ZDHHC11B: variants seen among roughly 807,000 people sequenced by gnomAD.
The protein encoded by ZDHHC11B is zDHHC palmitoyltransferase 11B (putative), also known as probable palmitoyltransferase ZDHHC11B.
Under a neutral mutation model 42.3 loss-of-function variants are expected in ZDHHC11B, and 17 were observed. The ratio of observed to expected loss-of-function variants is 0.40; its 90% CI spans 0.27 to 0.60. The LOEUF is 0.60. Ranked by LOEUF, ZDHHC11B falls within the 20% of genes least tolerant of loss-of-function variation. The pLI, the probability that ZDHHC11B is intolerant of heterozygous loss-of-function variation, is 0.41. For missense variants in ZDHHC11B, 262 were observed against 463.2 expected (o/e 0.57, Z 3.99); for synonymous variants, 123 against 193.5 (o/e 0.64, Z 3.02).
intron 1 of ZDHHC11B, among the ~76,000 whole-genome samples, chr5:775,709 C>G (rs1406892108): frequency 6.6e-6 from 1 of 151,862 alleles, no homozygotes; most frequent in Non-Finnish European, 1.5e-5. Context: ...AGACGCCGCC[C>G]AGGAGTCCAA....
At chr5:715,134 G>A (rs1741654617) in intron 13 of ZDHHC11B, among the ~76,000 whole-genome samples, 1 of 150,534 alleles carries the variant, frequency 6.6e-6, no homozygotes, top group African/African-American at 2.5e-5. Context: ...AATTACCCAG[G>A]CTCAAGTGTT....
chr5:742,024 T>A (rs4957093), intron 9 of ZDHHC11B, among the ~76,000 whole-genome samples: 109,164 of 129,838 alleles, frequency 0.84, 47,050 homozygotes, highest in East Asian at 0.96. Context: ...TTGTGGTTTT[T>A]ATTTGCAGCT....
chr5:737,793 G>A (rs1345623131), intron 10 of ZDHHC11B, among the ~76,000 whole-genome samples: 1 of 148,050 alleles, frequency 6.8e-6, no homozygotes, highest in Non-Finnish European at 1.5e-5. Context: ...GCACAGAAGG[G>A]ACATACCTCA....
chr5:757,904 A>C (rs1483521987), intron 4 of ZDHHC11B, among the ~76,000 whole-genome samples: 3 of 151,966 alleles, frequency 2.0e-5, no homozygotes, highest in African/African-American at 7.2e-5. Context: ...GACTGGTCAG[A>C]CACTTGCAGT....
chr5:745,547 G>A (rs1439147444), intron 8 of ZDHHC11B, among the ~76,000 whole-genome samples: 1 of 149,830 alleles, frequency 6.7e-6, no homozygotes, highest in African/African-American at 2.5e-5. Flanking sequence ...GCTGACTCAG[G>A]CCCCCCCGCC....
chr5:744,774 G>C lies in ZDHHC11B; in HGVS notation c.900+409C>G, dbSNP rs1486425731. Among the ~76,000 whole-genome samples, 3 of 149,092 alleles carry C rather than the reference G, an allele frequency of 2.0e-5. 1 individual carries two copies. The highest frequency in any genetic ancestry group is 4.4e-5 in the Non-Finnish European group (3 of 67,476). On this transcript the variant is annotated intron_variant, in intron 9 of 13. Coordinates refer to ENST00000508859, the MANE Select transcript of ZDHHC11B (RefSeq NM_001351303.2). ...CGATCCCAGCTACTTGGGAGGCTGA[G>C]GTAGGCAAACTGTTTGAACCCAGGA...
chr5:743,878 G>A lies in ZDHHC11B; in HGVS notation c.900+1305C>T, dbSNP rs368887541. Among the ~76,000 whole-genome samples, 59 of 149,800 alleles carry A rather than the reference G, an allele frequency of 3.9e-4. 4 individuals are homozygous for A. The highest frequency in any genetic ancestry group is 1.2e-3 in the African/African-American group (51 of 40,864). ...TTTTCCCTGCTGCGCTGGGCTGGCCGGAATGTGACTGCAATGTCAGAAGTA... is the reference window on the plus strand; with the variant it reads ...TTTTCCCTGCTGCGCTGGGCTGGCCAGAATGTGACTGCAATGTCAGAAGTA... On this transcript the variant is annotated intron_variant, in intron 9 of 13. Coordinates refer to ENST00000508859, the MANE Select transcript of ZDHHC11B (RefSeq NM_001351303.2).
chr5:713,339 C>T (rs1230104620), intron 13 of ZDHHC11B, among the ~76,000 whole-genome samples: 26 of 152,092 alleles, frequency 1.7e-4, no homozygotes, highest in African/African-American at 6.0e-4. Flanking sequence ...TCCAAATCTG[C>T]TTTGTAATTT....
chr5:763,373 GA>G (rs398108502), intron 4 of ZDHHC11B, among the ~76,000 whole-genome samples: 1,435 of 127,884 alleles, frequency 0.011, 4 homozygotes, highest in African/African-American at 0.038. Flanking sequence ...CCCATCTCGG[GA>G]AAAAAAAAAA....
At chr5:767,276 TGGACGGCTGCG>T in intron 3 of ZDHHC11B, 105 bp downstream of exon 3, 1 of 1,235,298 alleles carries the variant, frequency 8.1e-7, no homozygotes, top group Non-Finnish European at 1.1e-6. Flanking sequence ...AGCTGCCATC[TGGACGGCTGCG>T]GGATGGCCCT....
chr5:778,399 C>G (rs17841876), intron 1 of ZDHHC11B, among the ~76,000 whole-genome samples: 112,041 of 146,006 alleles, frequency 0.77, 42,134 homozygotes, highest in African/African-American at 0.89. Context: ...GACACAGCCG[C>G]GGCTCTCAAG....
At chr5:720,878 A>G (rs1201992591) in intron 12 of ZDHHC11B, among the ~76,000 whole-genome samples, 1 of 151,588 alleles carries the variant, frequency 6.6e-6, no homozygotes, top group African/African-American at 2.4e-5. Flanking sequence ...GGGAAGCTAA[A>G]GTGGGAGGAT....
Position 766,934 on chromosome 5 carries a change from AG to A in ZDHHC11B, c.1-16del, listed in dbSNP as rs1470217508. On this transcript the variant is annotated splice_polypyrimidine_tract_variant and intron_variant, in intron 3 of 13. Coordinates refer to ENST00000508859, the MANE Select transcript of ZDHHC11B (RefSeq NM_001351303.2). ...CGGGTGTCCATCTGCAGGACACAGA[AG>A]GGGAGGACCTGCGCCATCAGCTCCG... The A allele has an allele frequency of 6.2e-7, 1 of 1,609,586 alleles. No individual in the cohort carries two copies. The highest frequency in any genetic ancestry group is 1.7e-5 in the Admixed American group (1 of 59,888).
chr5:724,138 G>A (rs433045), intron 12 of ZDHHC11B, among the ~76,000 whole-genome samples: 1 of 151,788 alleles, frequency 6.6e-6, no homozygotes, highest in South Asian at 2.1e-4. Context: ...CCACTTCCAG[G>A]CTCCCTCACT....
At chr5:766,971 G>A (rs757446131) in intron 3 of ZDHHC11B, 52 bp from the exon 4 acceptor site, 1 of 1,582,962 alleles carries the variant, frequency 6.3e-7, no homozygotes, top group East Asian at 2.2e-5. Context: ...GGGAGGGCCG[G>A]CCCCACCCAC....
chr5:718,440 G>T (rs1480897468), intron 12 of ZDHHC11B, among the ~76,000 whole-genome samples: 2 of 151,750 alleles, frequency 1.3e-5, no homozygotes, highest in Non-Finnish European at 2.9e-5. Context: ...TTGGGAGGCT[G>T]AGGTGGGTGG....
rs1264586748 is a variant in ZDHHC11B at position 763,388 on chromosome 5, GAA to G, written c.222+3308_222+3309del. On this transcript the variant is annotated intron_variant, in intron 4 of 13. Coordinates refer to ENST00000508859, the MANE Select transcript of ZDHHC11B (RefSeq NM_001351303.2). The stretch of plus-strand genomic sequence containing the variant: ...CCCATCTCGGGAAAAAAAAAAAAAA[GAA>G]GAAGAAGAAGAAAAATACAACCTAT... 3.8e-5 allele frequency among the ~76,000 whole-genome samples: 4 copies of G among 104,648 alleles called. 1 individual carries two copies. The East Asian group carries it at 2.1e-3, about 55-fold the overall frequency. 68.7% of individuals were successfully genotyped at this position (104,648 alleles called of 152,430 possible).
At chr5:764,762 G>C (rs2150212719) in intron 4 of ZDHHC11B, among the ~76,000 whole-genome samples, 1 of 152,070 alleles carries the variant, frequency 6.6e-6, no homozygotes, top group African/African-American at 2.4e-5. Context: ...GCACGGGACT[G>C]GCAGGCAGCT....
In ZDHHC11B at chr5:748,268, C is replaced by T. The variant is rs867763314; in HGVS notation, c.784+136G>A. ...GGGAGAGGCTGACCCTGAACACATG[C>T]GCACACGGGGGACAAAGACTCTGGC... On this transcript the variant is annotated intron_variant, in intron 8 of 13. Coordinates refer to ENST00000508859, the MANE Select transcript of ZDHHC11B (RefSeq NM_001351303.2). 2,046 of 710,838 alleles carry T rather than the reference C, an allele frequency of 2.9e-3. 34 individuals are homozygous for T. The African/African-American group carries it at 0.029, about 10-fold the overall frequency. The allele number at this position is 710,838 out of a possible 1,614,324, so 44.0% of individuals were successfully genotyped here.
Sources: gnomAD v4.1 joint callset for allele counts (sites outside exome capture counted in the v4.1 genomes callset) on GRCh38, gnomAD v4.1.1 for gene constraint, MANE v1.5 for transcripts, NCBI Gene and HGNC (gene_info 2026-07-23, HGNC 2026-07-21) for gene names.